The following CACNA1D variants were observed in gnomAD, a reference collection of about 807,000 sequenced individuals.
CACNA1D encodes calcium voltage-gated channel subunit alpha1 D, also known as voltage-dependent L-type calcium channel subunit alpha-1D.
In CACNA1D, 55 loss-of-function variants were observed where a neutral mutation model predicts 257.1. The ratio of observed to expected loss-of-function variants is 0.21; its 90% CI spans 0.17 to 0.27. CACNA1D has a LOEUF of 0.27. CACNA1D is among the 10% of genes least tolerant of loss of function. The pLI is 1.00. For missense variants in CACNA1D, 1,876 were observed against 2,784.0 expected (o/e 0.67, Z 7.34); for synonymous variants, 980 against 1,014.9 (o/e 0.97, Z 0.65).
chr3:53,598,780 T>C (rs2093404562), intron 3 of CACNA1D, among the ~76,000 whole-genome samples: 3 of 152,146 alleles, frequency 2.0e-5, no homozygotes, highest in Admixed American at 2.0e-4. Flanking sequence ...GGTTAATTAA[T>C]GGAGGCTGGG....
At chr3:53,507,729 C>T (rs1359689962) in intron 3 of CACNA1D, among the ~76,000 whole-genome samples, 2 of 152,070 alleles carry the variant, frequency 1.3e-5, no homozygotes, top group Non-Finnish European at 2.9e-5. Flanking sequence ...ATGTGAATAT[C>T]ATTATTTTAT....
intron 3 of CACNA1D, among the ~76,000 whole-genome samples, chr3:53,562,055 G>A (rs1222731698): frequency 6.6e-6 from 1 of 152,140 alleles, no homozygotes; most frequent in Non-Finnish European, 1.5e-5. Flanking sequence ...CAAAGTAGTG[G>A]TCTCATTTTT....
At chr3:53,540,540 A>T (rs1358376312) in intron 3 of CACNA1D, among the ~76,000 whole-genome samples, 1 of 151,984 alleles carries the variant, frequency 6.6e-6, no homozygotes, top group Non-Finnish European at 1.5e-5. Context: ...TTAGTATTAT[A>T]TGCAACTTAT....
rs1370389551 is a variant in CACNA1D at position 53,811,478 on chromosome 3, G to A, written c.*72G>A. On this transcript the variant is annotated 3_prime_UTR_variant, in exon 48 of 48. Coordinates refer to ENST00000350061, the MANE Select transcript of CACNA1D (RefSeq NM_001128840.3). The surrounding 1 kb of genome is among the most constrained non-coding windows in gnomAD (Gnocchi z 4.2). ...AGAGCCAGGGGAAAAGTGCCTCATA[G>A]TTAGGAAAGTTTAGGCACTAGTTGG... 1.8e-5 allele frequency: 24 copies of A among 1,312,758 alleles called. No individual in the cohort carries two copies. Among genetic ancestry groups the A allele is most frequent in the Non-Finnish European group, 2.5e-5 (24 of 970,088 alleles). The allele number at this position is 1,312,758 out of a possible 1,614,324, so 81.3% of individuals were successfully genotyped here.
At chr3:53,613,319 G>C (rs2093602655) in intron 3 of CACNA1D, among the ~76,000 whole-genome samples, 1 of 152,062 alleles carries the variant, frequency 6.6e-6, no homozygotes, top group South Asian at 2.1e-4. Context: ...CGTTCATAAT[G>C]CCTCAGTTTG....
At position 53,718,285 on chromosome 3, in the gene CACNA1D, C is replaced by A; in HGVS notation, c.1391-16C>A. The A allele has an allele frequency of 6.2e-7, 1 of 1,610,538 alleles. No homozygotes were observed. The highest frequency in any genetic ancestry group is 8.5e-7 in the Non-Finnish European group (1 of 1,176,908). On this transcript the variant is annotated splice_polypyrimidine_tract_variant and intron_variant, in intron 9 of 47. Coordinates refer to ENST00000350061, the MANE Select transcript of CACNA1D (RefSeq NM_001128840.3). The stretch of plus-strand genomic sequence containing the variant: ...TGTGCCCCGCATGCTCTCTGAAGCC[C>A]GTCTTCTCCCCACAGCTAGCATGCC...
Position 53,807,206 on chromosome 3 carries a change from C to T in CACNA1D, c.5750-1443C>T, listed in dbSNP as rs143314640. 3.5e-3 allele frequency among the ~76,000 whole-genome samples: 533 copies of T among 152,158 alleles called. 7 individuals are homozygous for T. The highest frequency in any genetic ancestry group is 0.012 in the African/African-American group (507 of 41,574). On this transcript the variant is annotated intron_variant, in intron 45 of 47. Coordinates refer to ENST00000350061, the MANE Select transcript of CACNA1D (RefSeq NM_001128840.3). ...AAAGCACCACATACAGGAGAGGGAC[C>T]GCTGCTCTCCTTTCCCAGCCCCCAG...
intron 2 of CACNA1D, among the ~76,000 whole-genome samples, chr3:53,498,145 G>A (rs1022249385): frequency 6.6e-6 from 1 of 152,168 alleles, no homozygotes; most frequent in Admixed American, 6.5e-5. Flanking sequence ...GCCAGTGAAG[G>A]GAGAGGCTCG....
intron 3 of CACNA1D, among the ~76,000 whole-genome samples, chr3:53,641,117 C>T (rs191273272): frequency 1.4e-4 from 22 of 152,142 alleles, no homozygotes; most frequent in African/African-American, 4.6e-4. Flanking sequence ...ACTGGAGGCA[C>T]GTGGAGGAGG....
intron 7 of CACNA1D, among the ~76,000 whole-genome samples, chr3:53,671,742 T>A (rs560121832): frequency 6.6e-6 from 1 of 152,328 alleles, no homozygotes; most frequent in African/African-American, 2.4e-5. Context: ...TAATTTTTTT[T>A]AATGTTCACT....
intron 25 of CACNA1D, 119 bp downstream of exon 25, chr3:53,745,994 G>A: frequency 3.9e-6 from 3 of 765,756 alleles, no homozygotes; most frequent in Non-Finnish European, 4.6e-6. Context: ...TGTGTGCTCA[G>A]CTTGTGGGTA....
At chr3:53,671,419 G>A (rs1360063431) in intron 7 of CACNA1D, among the ~76,000 whole-genome samples, 1 of 152,226 alleles carries the variant, frequency 6.6e-6, no homozygotes, top group East Asian at 1.9e-4. Context: ...TGTCTCAGGT[G>A]CTGACCCAGG....
At chr3:53,620,269 A>G (rs1465765142) in intron 3 of CACNA1D, among the ~76,000 whole-genome samples, 1 of 151,988 alleles carries the variant, frequency 6.6e-6, no homozygotes, top group Non-Finnish European at 1.5e-5. Flanking sequence ...CTACCGTTAG[A>G]ACCCAGTTCT....
chr3:53,578,926 G>T (rs2107734752), intron 3 of CACNA1D, among the ~76,000 whole-genome samples: 1 of 152,366 alleles, frequency 6.6e-6, no homozygotes, highest in South Asian at 2.1e-4. Flanking sequence ...TTGGGCCATA[G>T]TTGGGAGGCT....
At chr3:53,770,209 C>T (rs960394673) in intron 31 of CACNA1D, among the ~76,000 whole-genome samples, 192 bp downstream of exon 31, 43 of 152,204 alleles carry the variant, frequency 2.8e-4, no homozygotes, top group Non-Finnish European at 8.8e-5. Context: ...CAGTAGAATA[C>T]GTGGACATGC....
intron 3 of CACNA1D, among the ~76,000 whole-genome samples, chr3:53,560,055 G>C (rs2092710539): frequency 7.0e-6 from 1 of 143,446 alleles, no homozygotes; most frequent in Non-Finnish European, 1.5e-5. Flanking sequence ...TGAACATTAG[G>C]AGTTCCTTTT....
intron 9 of CACNA1D, among the ~76,000 whole-genome samples, chr3:53,717,458 C>T (rs1307017699): frequency 1.3e-5 from 2 of 152,228 alleles, no homozygotes; most frequent in Non-Finnish European, 2.9e-5. Flanking sequence ...AAAAGACGCT[C>T]GTGCACCAGA....
At chr3:53,781,534 C>A in intron 38 of CACNA1D, 32 bp from the exon 39 acceptor site, 1 of 1,430,830 alleles carries the variant, frequency 7.0e-7, no homozygotes, top group Non-Finnish European at 9.9e-7. Flanking sequence ...AGAAATGAGG[C>A]TTGCTTTTCC....
At chr3:53,561,295 T>C (rs1322950500) in intron 3 of CACNA1D, among the ~76,000 whole-genome samples, 1 of 152,226 alleles carries the variant, frequency 6.6e-6, no homozygotes, top group Non-Finnish European at 1.5e-5. Context: ...TTGAAAGCCT[T>C]ATACTTTAAG....
Sources: allele counts gnomAD v4.1 joint callset (sites outside exome capture counted in the v4.1 genomes callset), GRCh38; gene constraint gnomAD v4.1.1; non-coding constraint Gnocchi (gnomAD v3.1); transcripts MANE v1.5; gene names NCBI Gene and HGNC (gene_info 2026-07-23, HGNC 2026-07-21).